ZNF536: variants seen among roughly 807,000 people sequenced by gnomAD.
ZNF536 encodes the protein zinc finger protein 536.
ZNF536 carries 13 observed loss-of-function variants against 84.5 expected under a neutral mutation model. The observed-to-expected ratio is 0.15, with a 90% confidence interval of 0.10 to 0.24. The LOEUF (loss-of-function observed/expected upper bound fraction) is 0.24, where lower values mean the gene tolerates loss of function less well. Among genes scored for constraint, ZNF536 ranks in the 10% least tolerant of loss-of-function variants. The pLI is 1.00. For synonymous variants in ZNF536, 811 were observed against 742.5 expected (o/e 1.09, Z -1.50); for missense variants, 1,536 against 1,747.5 (o/e 0.88, Z 2.16).
chr19:30,446,482 C>T (rs749987556), intron 2 of ZNF536, among the ~76,000 whole-genome samples: 1 of 152,016 alleles, frequency 6.6e-6, no homozygotes, highest in Non-Finnish European at 1.5e-5. Context: ...ACTTCACCAT[C>T]TTTCTCTCCC....
chr19:30,241,096 T>C (rs1396095987), intron 1 of ZNF536, among the ~76,000 whole-genome samples: 1 of 152,090 alleles, frequency 6.6e-6, no homozygotes, highest in East Asian at 1.9e-4. Context: ...GGTGGGAGGA[T>C]CACTGGAGCC....
chr19:30,637,748 G>C (rs955410361), intron 1 of ZNF536, among the ~76,000 whole-genome samples: 1 of 152,170 alleles, frequency 6.6e-6, no homozygotes, highest in African/African-American at 2.4e-5. Context: ...GGCGAGAGTA[G>C]AGTTTATTAG....
chr19:30,416,710 G>A lies in ZNF536; in HGVS notation c.-2-26851G>A, dbSNP rs180731256. On this transcript the variant is annotated intron_variant, in intron 1 of 4. Coordinates refer to ENST00000355537, the MANE Select transcript of ZNF536 (RefSeq NM_014717.3). ...GCCCTTTCATCTTTTTCCCCACCAC[G>A]TTGATGAGGCAACTTTAAACTCTCT... Among the ~76,000 whole-genome samples the A allele has an allele frequency of 1.6e-3, 243 of 152,192 alleles. 2 individuals are homozygous for A. Among genetic ancestry groups the A allele is most frequent in the African/African-American group, 5.4e-3 (225 of 41,524 alleles).
chr19:30,707,380 G>A (rs1180895133), intron 1 of ZNF536, among the ~76,000 whole-genome samples: 1 of 152,106 alleles, frequency 6.6e-6, no homozygotes, highest in South Asian at 2.1e-4. Context: ...ATATGTCCCA[G>A]TTGTCCTTCG....
chr19:30,281,645 G>A (rs1034273381), intron 1 of ZNF536, among the ~76,000 whole-genome samples: 4 of 152,192 alleles, frequency 2.6e-5, no homozygotes, highest in African/African-American at 9.6e-5. Flanking sequence ...TGCTGGGGAG[G>A]GCTGCGTGGG....
intron 4 of ZNF536, among the ~76,000 whole-genome samples, chr19:30,553,430 C>A (rs140959565): frequency 9.9e-5 from 15 of 152,284 alleles, no homozygotes; most frequent in African/African-American, 3.1e-4. Flanking sequence ...ACCAGATCAC[C>A]CTTACTCCTT....
intron 2 of ZNF536, among the ~76,000 whole-genome samples, chr19:30,326,340 A>T (rs2047022752): frequency 6.6e-6 from 1 of 152,190 alleles, no homozygotes; most frequent in Non-Finnish European, 1.5e-5. Flanking sequence ...GGGCTCAGAA[A>T]GTCTGGCATC....
intron 1 of ZNF536, among the ~76,000 whole-genome samples, chr19:30,417,689 C>A (rs1023102734): frequency 2.6e-5 from 4 of 152,070 alleles, no homozygotes; most frequent in African/African-American, 9.7e-5. Flanking sequence ...GGCATCTTTG[C>A]ATCTTTAGTT....
upstream of ZNF536, among the ~76,000 whole-genome samples, chr19:30,370,041 A>G (rs1043871844): frequency 1.3e-5 from 2 of 152,306 alleles, no homozygotes; most frequent in African/African-American, 4.8e-5. Context: ...TCTTGGTTAT[A>G]CGCAGTTTGG....
chr19:30,630,409 G>C (rs2048846127), intron 1 of ZNF536, among the ~76,000 whole-genome samples: 1 of 151,626 alleles, frequency 6.6e-6, no homozygotes. Flanking sequence ...CCGTGTGTGT[G>C]TGTGTGTGTG....
chr19:30,287,611 T>C (rs1168579536), intron 2 of ZNF536, among the ~76,000 whole-genome samples: 1 of 125,686 alleles, frequency 8.0e-6, no homozygotes, highest in African/African-American at 3.3e-5. Context: ...GATGGGTGGA[T>C]GGATGGGTGG....
At chr19:30,333,489 A>C (rs2047283023) in intron 2 of ZNF536, among the ~76,000 whole-genome samples, 1 of 152,192 alleles carries the variant, frequency 6.6e-6, no homozygotes, top group Non-Finnish European at 1.5e-5. Context: ...GCCGCTGGTC[A>C]AGAGATTCCT....
intron 2 of ZNF536, among the ~76,000 whole-genome samples, chr19:30,499,530 ATATT>A (rs1486132371): frequency 1.3e-5 from 2 of 152,206 alleles, no homozygotes; most frequent in Non-Finnish European, 2.9e-5. Context: ...ATAGCTATCT[ATATT>A]TATATGTATA....
At chr19:30,394,605 C>A (rs2049736653) in intron 1 of ZNF536, among the ~76,000 whole-genome samples, 1 of 152,190 alleles carries the variant, frequency 6.6e-6, no homozygotes, top group Non-Finnish European at 1.5e-5. Flanking sequence ...GAGGAAGAAA[C>A]CAGTGACATG....
intron 2 of ZNF536, among the ~76,000 whole-genome samples, chr19:30,521,175 C>T (rs562360020): frequency 6.6e-6 from 1 of 152,322 alleles, no homozygotes; most frequent in South Asian, 2.1e-4. Flanking sequence ...TCCCGGAGTC[C>T]CTTGGTGTTT....
At chr19:30,656,832 C>T (rs927995791) in intron 1 of ZNF536, among the ~76,000 whole-genome samples, 3 of 152,302 alleles carry the variant, frequency 2.0e-5, no homozygotes, top group African/African-American at 4.8e-5. Flanking sequence ...CTGCTCTGCA[C>T]GGGGTCAGTC....
chr19:30,673,761 T>A (rs1302980480), intron 1 of ZNF536, among the ~76,000 whole-genome samples: 2 of 152,248 alleles, frequency 1.3e-5, no homozygotes, highest in South Asian at 4.1e-4. Flanking sequence ...CACGTCCCGA[T>A]GTCAGGTTCC....
intron 1 of ZNF536, among the ~76,000 whole-genome samples, chr19:30,634,334 G>A (rs556343616): frequency 2.4e-4 from 37 of 152,188 alleles, no homozygotes; most frequent in Admixed American, 2.1e-3. Flanking sequence ...AGTGGTCGAC[G>A]CTCAGCCAGT....
chr19:30,613,966 G>A (rs546601589), intron 1 of ZNF536, among the ~76,000 whole-genome samples: 2 of 152,196 alleles, frequency 1.3e-5, no homozygotes, highest in African/African-American at 4.8e-5. Context: ...GCGTTAAAGC[G>A]ATTCTTCTGT....
Sources: allele counts gnomAD v4.1 joint callset (sites outside exome capture counted in the v4.1 genomes callset), GRCh38; gene constraint gnomAD v4.1.1; transcripts MANE v1.5; gene names NCBI Gene and HGNC (gene_info 2026-07-23, HGNC 2026-07-21).